HSP90B1: variants seen among roughly 807,000 people sequenced by gnomAD.
The protein encoded by HSP90B1 is heat shock protein 90 beta family member 1, also known as endoplasmin.
In HSP90B1, 27 loss-of-function variants were observed where a neutral mutation model predicts 100.4. The observed-to-expected ratio is 0.27, with a 90% CI of 0.20 to 0.37. The LOEUF (loss-of-function observed/expected upper bound fraction) is 0.37, where lower values mean the gene tolerates loss of function less well. Ranked by LOEUF, HSP90B1 falls within the 10% of genes least tolerant of loss-of-function variation. The pLI is 1.00. For missense variants in HSP90B1, 678 were observed against 960.5 expected, an observed-to-expected ratio of 0.71 and a Z score of 3.89; for synonymous variants, 304 against 330.8, an observed-to-expected ratio of 0.92 and a Z score of 0.88.
At position 103,930,634 on chromosome 12, in the gene HSP90B1, G is replaced by C; in HGVS notation, c.49+70G>C. 2.0e-6 allele frequency: 3 copies of C among 1,483,548 alleles called. No homozygotes were observed. The South Asian group carries it at 3.7e-5, about 18-fold the overall frequency. The allele number at this position is 1,483,548 out of a possible 1,614,324, so 91.9% of individuals were successfully genotyped here. A position where few individuals can be genotyped will look rare whatever the true frequency, so the allele number is the denominator to read the frequency against. On this transcript the variant is annotated intron_variant, in intron 1 of 17. Coordinates refer to ENST00000299767, the MANE Select transcript of HSP90B1 (RefSeq NM_003299.3). The surrounding 1 kb of genome is among the most constrained non-coding windows in gnomAD (Gnocchi z 4.4). Reference sequence around the variant, plus strand: ...GCCGCTTCTCGAAGGTCCTGGGGGCGTTGAACGTGGGAGGGGGGATCCCGG... The same window carrying C: ...GCCGCTTCTCGAAGGTCCTGGGGGCCTTGAACGTGGGAGGGGGGATCCCGG...
chr12:103,933,882 G>A (rs1390690156), intron 4 of HSP90B1, 74 bp from the exon 5 acceptor site: 1 of 1,195,656 alleles, frequency 8.4e-7, no homozygotes, highest in Admixed American at 2.1e-5. Context: ...ACCCAAAGCT[G>A]GTTAGTTCCT....
Position 103,938,322 on chromosome 12 carries a change from A to G in HSP90B1, c.856-18A>G, listed in dbSNP as rs1566166278. 6.5e-7 allele frequency: 1 copy of G among 1,528,798 alleles called. No individual in the cohort carries two copies. 94.7% of individuals were successfully genotyped at this position (1,528,798 alleles called of 1,614,324 possible). On this transcript the variant is annotated intron_variant, in intron 6 of 17. Coordinates refer to ENST00000299767, the MANE Select transcript of HSP90B1 (RefSeq NM_003299.3). ...TGTTAAACAAATGAGTTTAACCATA[A>G]TTCTCTTATTTCAACAGACTGAAAC...
chr12:103,931,768 A>G, intron 2 of HSP90B1, 145 bp downstream of exon 2: 1 of 691,844 alleles, frequency 1.4e-6, no homozygotes, highest in African/African-American at 1.8e-5. Context: ...GTGCATACAT[A>G]CCTCCTAACT....
rs149019067 is a variant in HSP90B1 at position 103,935,046 on chromosome 12, G to A, written c.743+759G>A. Among the ~76,000 whole-genome samples, 411 of 152,280 alleles carry A rather than the reference G, an allele frequency of 2.7e-3. 1 individual carries two copies. The highest frequency in any genetic ancestry group is 0.01 in the Middle Eastern group (3 of 294). On this transcript the variant is annotated intron_variant, in intron 5 of 17. Transcript: ENST00000299767. Reference sequence around the variant, plus strand: ...AGATTCTCAAGGTGGTGTGGAGGATGTGAGGAGTGGACAAGGGGAGACTCT... The same window carrying A: ...AGATTCTCAAGGTGGTGTGGAGGATATGAGGAGTGGACAAGGGGAGACTCT...
chr12:103,941,981 A>ACCCAAAATCTGGTTAC, intron 11 of HSP90B1, 84 bp downstream of exon 11: 2 of 995,938 alleles, frequency 2.0e-6, no homozygotes, highest in Non-Finnish European at 3.2e-6. Context: ...GTAAAACCAG[A>ACCCAAAATCTGGTTAC]TTTTGGGTCT....
Position 103,932,400 on chromosome 12 carries a change from A to G in HSP90B1, c.276A>G (p.Ser92=), listed in dbSNP as rs772602389. 2 of 1,611,898 alleles carry G rather than the reference A, an allele frequency of 1.2e-6. No individual in the cohort carries two copies. The highest frequency in any genetic ancestry group is 3.4e-5 in the Admixed American group (2 of 59,660). The change falls in exon 3 of 18, where the codon TCA becomes TCG. Residue 92 remains serine (S), a synonymous_variant. Coordinates refer to ENST00000299767, the MANE Select transcript of HSP90B1 (RefSeq NM_003299.3). ...VNRMMKLIIN[S]LYKNKEIFLR... ...GAATGATGAAACTTATCATCAATTCATTGTATAAAAATAAAGAGGTAAGCA... is the reference window on the plus strand; with the variant it reads ...GAATGATGAAACTTATCATCAATTCGTTGTATAAAAATAAAGAGGTAAGCA...
rs981218386 is a variant in HSP90B1 at position 103,930,941 on chromosome 12, C to T, written c.49+377C>T. On this transcript the variant is annotated intron_variant, in intron 1 of 17. Coordinates refer to ENST00000299767, the MANE Select transcript of HSP90B1 (RefSeq NM_003299.3). This position sits in a 1 kb window ranked among gnomAD's most constrained non-coding sequence, Gnocchi z 4.4. ...TCCCAGCTTTCCCGTCCCCTAATTCCCCAGACTCCGACTCCTCGCAAGCCC... is the reference window on the plus strand; with the variant it reads ...TCCCAGCTTTCCCGTCCCCTAATTCTCCAGACTCCGACTCCTCGCAAGCCC... 2.0e-5 allele frequency among the ~76,000 whole-genome samples: 3 copies of T among 151,946 alleles called. No homozygotes were observed. The highest frequency in any genetic ancestry group is 7.3e-5 in the African/African-American group (3 of 41,364).
At chr12:103,947,212 G>A (rs1593493709) in intron 16 of HSP90B1, 99 bp from the exon 17 acceptor site, 1 of 1,430,648 alleles carries the variant, frequency 7.0e-7, no homozygotes, top group Admixed American at 2.4e-5. Context: ...CTGTGGTTCT[G>A]AATAAACAGA....
rs1183312604 is a variant in HSP90B1, at chr12:103,943,330, A to G, written c.1890+11A>G. 6.2e-7 allele frequency: 1 copy of G among 1,609,858 alleles called. No homozygotes were observed. The highest frequency in any genetic ancestry group is 8.5e-7 in the Non-Finnish European group (1 of 1,178,012). ...GCCCTTAAGGACAAGGTACTGTGGAAATTACAAATTGTGGAAATATTAGTA... is the reference window on the plus strand; with the variant it reads ...GCCCTTAAGGACAAGGTACTGTGGAGATTACAAATTGTGGAAATATTAGTA... On this transcript the variant is annotated intron_variant, in intron 13 of 17. Transcript: ENST00000299767. The surrounding 1 kb of genome is among the most constrained non-coding windows in gnomAD (Gnocchi z 5.3).
At chr12:103,931,703 C>T (rs1869768577) in intron 2 of HSP90B1, 80 bp downstream of exon 2, 1 of 996,392 alleles carries the variant, frequency 1.0e-6, no homozygotes, top group Non-Finnish European at 1.6e-6. Flanking sequence ...TGTATCTCTT[C>T]TCCAAAGGTC....
Position 103,934,278 on chromosome 12 carries a change from C to T in HSP90B1, c.734C>T (p.Thr245Met), listed in dbSNP as rs971274341. The T allele has an allele frequency of 3.7e-6, 6 of 1,611,532 alleles. No individual in the cohort carries two copies. Among genetic ancestry groups the T allele is most frequent in the Admixed American group, 1.7e-5 (1 of 59,932 alleles). Residue 245 changes from threonine to methionine, a missense_variant, in exon 5 of 18, where the codon ACG becomes ATG. Thr to Met is a moderately conservative substitution (Grantham distance 81). Around this residue, in one of 8 missense-constraint regions of HSP90B1, gnomAD observed 238 missense variants for 346.7 expected, o/e 0.69. Coordinates refer to ENST00000299767, the MANE Select transcript of HSP90B1 (RefSeq NM_003299.3). ...AGAGGAAACACTCTAGGACGGGGAA[C>T]GACAATTACGTGAGTATGACCAATT... The part of the protein sequence containing the change: ...DPRGNTLGRG[T>M]TITLVLKEEA...
intron 5 of HSP90B1, among the ~76,000 whole-genome samples, chr12:103,936,465 G>A (rs1309495275): frequency 6.6e-6 from 1 of 151,708 alleles, no homozygotes; most frequent in Non-Finnish European, 1.5e-5. Context: ...AACATAATGG[G>A]ATCCCATCTC....
At chr12:103,932,678 C>G (rs1869802580) in intron 3 of HSP90B1, 148 bp from the exon 4 acceptor site, 2 of 672,274 alleles carry the variant, frequency 3.0e-6, no homozygotes, top group Non-Finnish European at 5.3e-6. Flanking sequence ...AACTAAACTT[C>G]TTGCATTGCA....
chr12:103,932,850 A>T lies in HSP90B1; in HGVS notation c.319A>T (p.Asn107Tyr). 6.3e-7 allele frequency: 1 copy of T among 1,596,432 alleles called. No homozygotes were observed. The highest frequency in any genetic ancestry group is 8.6e-7 in the Non-Finnish European group (1 of 1,164,404). The change falls in exon 4 of 18, where the codon AAT becomes TAT. Residue 107 changes from asparagine to tyrosine, a missense_variant. Transcript: ENST00000299767. ...GATTTTCCTGAGAGAACTGATTTCA[A>T]ATGCTTCTGATGCTTTAGATAAGAT... is the stretch of plus-strand genomic sequence containing the variant. ...KEIFLRELIS[N>Y]ASDALDKIRL...
chr12:103,941,371 C>T, intron 8 of HSP90B1, 39 bp from the exon 9 acceptor site: 2 of 1,602,924 alleles, frequency 1.2e-6, no homozygotes, highest in Non-Finnish European at 1.7e-6. Flanking sequence ...TGCTTTTCTC[C>T]TGTGTCGTTT....
At chr12:103,933,129 A>G (rs1869814032) in intron 4 of HSP90B1, among the ~76,000 whole-genome samples, 187 bp downstream of exon 4, 1 of 152,000 alleles carries the variant, frequency 6.6e-6, no homozygotes, top group African/African-American at 2.4e-5. Flanking sequence ...TTTTATTGGA[A>G]TGCAGCCATG....
chr12:103,936,672 CCAGCTGTA>C (rs985752268), intron 5 of HSP90B1, among the ~76,000 whole-genome samples: 1 of 151,426 alleles, frequency 6.6e-6, no homozygotes, highest in African/African-American at 2.4e-5. Flanking sequence ...CTAATGGGTG[CCAGCTGTA>C]CAGCTATAGC....
Position 103,939,567 on chromosome 12 carries a change from G to C in HSP90B1, c.1034G>C (p.Arg345Thr). 6.3e-7 allele frequency: 1 copy of C among 1,589,226 alleles called. No homozygotes were observed. The highest frequency in any genetic ancestry group is 1.4e-5 in the African/African-American group (1 of 73,360). ...AATGATATCAAACCAATATGGCAGA[G>C]ACCATCAAAAGAAGTAGAAGAAGAT... Reference protein sequence around the residue: ...LMNDIKPIWQRPSKEVEEDEY... With the variant: ...LMNDIKPIWQTPSKEVEEDEY... The change falls in exon 8 of 18, where the codon AGA (arginine) becomes ACA (threonine). Residue 345 changes from arginine to threonine, a missense_variant. Arg to Thr is a moderately conservative substitution (Grantham distance 71, BLOSUM62 -1). Coordinates refer to ENST00000299767, the MANE Select transcript of HSP90B1 (RefSeq NM_003299.3).
chr12:103,942,792 A>G lies in HSP90B1; in HGVS notation c.1640A>G (p.Lys547Arg), dbSNP rs771213027. ...KIYFMAGSSR[K>R]EAESSPFVER... The stretch of plus-strand genomic sequence containing the variant: ...TACTTCATGGCTGGGTCCAGCAGAA[A>G]AGAGGTGAGATGAACTCATAAGTGT... The change falls in exon 12 of 18, where the codon AAA becomes AGA. Residue 547 changes from lysine (K) to arginine (R), a missense_variant. Coordinates refer to ENST00000299767, the MANE Select transcript of HSP90B1 (RefSeq NM_003299.3). 7.4e-6 allele frequency: 12 copies of G among 1,613,700 alleles called. No homozygotes were observed. The highest frequency in any genetic ancestry group is 9.3e-6 in the Non-Finnish European group (11 of 1,179,806).
Sources: allele counts gnomAD v4.1 joint callset (sites outside exome capture counted in the v4.1 genomes callset), GRCh38; gene constraint gnomAD v4.1.1; regional missense constraint gnomAD v4.1.1; non-coding constraint Gnocchi (gnomAD v3.1); transcripts MANE v1.5; gene names NCBI Gene and HGNC (gene_info 2026-07-23, HGNC 2026-07-21).